XKR9: variants seen among roughly 807,000 people sequenced by gnomAD.
XKR9 encodes XK-related protein 9.
XKR9 carries 32 observed loss-of-function variants against 32.0 expected under a neutral mutation model. The observed-to-expected ratio is 1.00, with a 90% CI of 0.76 to 1.34. The LOEUF (loss-of-function observed/expected upper bound fraction) is 1.34, where lower values mean the gene tolerates loss of function less well. XKR9 is among the 40% of genes most tolerant of loss of function. The pLI is 0.00. For missense variants in XKR9, 546 were observed against 429.7 expected, an observed-to-expected ratio of 1.27 and a Z score of -2.39; for synonymous variants, 168 against 143.4, an observed-to-expected ratio of 1.17 and a Z score of -1.22.
At chr8:70,759,558 A>C (rs1210561027) in intron 2 of XKR9, among the ~76,000 whole-genome samples, 1 of 152,122 alleles carries the variant, frequency 6.6e-6, no homozygotes, top group Non-Finnish European at 1.5e-5. Context: ...TTTTCTTTGA[A>C]GGTATGGTTA....
chr8:71,037,960 T>G, the XKR9 span, among the ~76,000 whole-genome samples: 1 of 152,202 alleles, frequency 6.6e-6, no homozygotes, highest in Non-Finnish European at 1.5e-5. Flanking sequence ...CACGAAATGT[T>G]GGCAAAAGTT....
the XKR9 span, among the ~76,000 whole-genome samples, chr8:70,919,300 A>G: frequency 6.6e-6 from 1 of 152,224 alleles, no homozygotes; most frequent in South Asian, 2.1e-4. Context: ...GAAAACATGC[A>G]TCAGGGTTCC....
At chr8:70,880,800 G>A in the XKR9 span, among the ~76,000 whole-genome samples, 1 of 152,108 alleles carries the variant, frequency 6.6e-6, no homozygotes, top group Admixed American at 6.6e-5. Context: ...CCAAAAAAGA[G>A]CCCGTATAAC....
chr8:70,722,537 A>T (rs1025659036), intron 4 of XKR9, among the ~76,000 whole-genome samples: 10 of 152,078 alleles, frequency 6.6e-5, no homozygotes, highest in Non-Finnish European at 1.5e-4. Flanking sequence ...AAAGAATTTT[A>T]TTTCTCCTTT....
At chr8:70,844,874 T>C in the XKR9 span, among the ~76,000 whole-genome samples, 1 of 152,206 alleles carries the variant, frequency 6.6e-6, no homozygotes, top group Non-Finnish European at 1.5e-5. Flanking sequence ...GCTGCTGCCA[T>C]CACCCATGCT....
the XKR9 span, among the ~76,000 whole-genome samples, chr8:70,990,937 A>C: frequency 6.6e-6 from 1 of 152,148 alleles, no homozygotes; most frequent in Non-Finnish European, 1.5e-5. Flanking sequence ...CACTGGTGAG[A>C]GGTGTGTTTA....
At chr8:70,727,045 G>T (rs1474254007) in intron 4 of XKR9, among the ~76,000 whole-genome samples, 1 of 152,164 alleles carries the variant, frequency 6.6e-6, no homozygotes, top group Non-Finnish European at 1.5e-5. Flanking sequence ...AAAAAAGACT[G>T]CATTGACATG....
chr8:70,783,266 G>T (rs534168649), intron 2 of XKR9, among the ~76,000 whole-genome samples: 9 of 148,290 alleles, frequency 6.1e-5, no homozygotes, highest in African/African-American at 2.2e-4. Flanking sequence ...TCTGACTCTC[G>T]CCCAGGCTGG....
the XKR9 span, among the ~76,000 whole-genome samples, chr8:70,844,728 G>A: frequency 7.2e-5 from 11 of 152,364 alleles, no homozygotes; most frequent in East Asian, 1.3e-3. Flanking sequence ...GGCCCAGCCA[G>A]CCTGCTGCTA....
chr8:70,720,687 T>C (rs748033573), intron 4 of XKR9, among the ~76,000 whole-genome samples: 4 of 152,186 alleles, frequency 2.6e-5, no homozygotes, highest in African/African-American at 9.6e-5. Context: ...GATGTGCTGC[T>C]GGATACAGTT....
At chr8:70,991,516 T>C in the XKR9 span, among the ~76,000 whole-genome samples, 2 of 152,342 alleles carry the variant, frequency 1.3e-5, no homozygotes, top group East Asian at 3.9e-4. Context: ...GAGATGATTA[T>C]TGAAACCAGG....
chr8:70,840,873 A>T, the XKR9 span, among the ~76,000 whole-genome samples: 1 of 152,206 alleles, frequency 6.6e-6, no homozygotes, highest in African/African-American at 2.4e-5. Context: ...CCCTAAAAAA[A>T]TTGAGAAACA....
At chr8:70,989,573 T>C in the XKR9 span, among the ~76,000 whole-genome samples, 1 of 152,170 alleles carries the variant, frequency 6.6e-6, no homozygotes, top group East Asian at 1.9e-4. Context: ...GACCCTCAGG[T>C]AGAATAGTAG....
the XKR9 span, among the ~76,000 whole-genome samples, chr8:70,972,371 CT>C: frequency 1.3e-5 from 2 of 152,056 alleles, no homozygotes; most frequent in African/African-American, 4.8e-5. Context: ...TTGCTTGTGT[CT>C]TTAGGGTTTT....
chr8:71,062,856 T>A, the XKR9 span, among the ~76,000 whole-genome samples: 1 of 152,154 alleles, frequency 6.6e-6, no homozygotes, highest in African/African-American at 2.4e-5. Flanking sequence ...ATATTACATA[T>A]ACAGTTTCAA....
At chr8:70,878,994 A>C in the XKR9 span, among the ~76,000 whole-genome samples, 1 of 152,234 alleles carries the variant, frequency 6.6e-6, no homozygotes, top group African/African-American at 2.4e-5. Context: ...ACTCAGGATT[A>C]AGAAACTCAC....
intron 2 of XKR9, among the ~76,000 whole-genome samples, chr8:70,786,476 A>G (rs1347270169): frequency 1.3e-5 from 2 of 152,118 alleles, no homozygotes; most frequent in Non-Finnish European, 2.9e-5. Flanking sequence ...GTACATGTAT[A>G]CCTACAGTTA....
the XKR9 span, among the ~76,000 whole-genome samples, chr8:70,982,805 G>A: frequency 6.6e-6 from 1 of 152,194 alleles, no homozygotes; most frequent in African/African-American, 2.4e-5. Context: ...GGAACTACAT[G>A]CTAGTCCTGC....
intron 3 of XKR9, among the ~76,000 whole-genome samples, chr8:70,702,487 A>G (rs901643561): frequency 6.6e-6 from 1 of 152,264 alleles, no homozygotes. Flanking sequence ...TGATATTTTT[A>G]AGGTCTCCTT....
Sources: gnomAD v4.1 joint callset for allele counts (sites outside exome capture counted in the v4.1 genomes callset) on GRCh38, gnomAD v4.1.1 for gene constraint, MANE v1.5 for transcripts, NCBI Gene and HGNC (gene_info 2026-07-23, HGNC 2026-07-21) for gene names.